MAPT: variants seen among roughly 807,000 people sequenced by gnomAD.
The protein encoded by MAPT is microtubule associated protein tau, also known as microtubule-associated protein tau.
In MAPT, 34 loss-of-function variants were observed where a neutral mutation model predicts 67.9. That is an observed-to-expected ratio of 0.50 (90% CI 0.38 to 0.67). The LOEUF is 0.67. Ranked by LOEUF, MAPT falls within the 30% of genes least tolerant of loss-of-function variation. MAPT has a pLI of 0.00. For missense variants in MAPT, 881 were observed against 1,115.2 expected, an observed-to-expected ratio of 0.79 and a Z score of 2.99; for synonymous variants, 456 against 464.5, an observed-to-expected ratio of 0.98 and a Z score of 0.23.
intron 1 of MAPT, among the ~76,000 whole-genome samples, chr17:45,946,615 A>AAAAATATATATATATATATAT: frequency 1.0e-5 from 1 of 100,406 alleles, no homozygotes; most frequent in Non-Finnish European, 2.0e-5. Flanking sequence ...AAAAAAAAAA[A>AAAAATATATATATATATATAT]ATATATATAT....
At chr17:45,920,703 C>T (rs975270107) in intron 1 of MAPT, among the ~76,000 whole-genome samples, 9 of 152,190 alleles carry the variant, frequency 5.9e-5, no homozygotes, top group African/African-American at 2.2e-4. Context: ...CTCCCAGTGC[C>T]TGGGAATCCT....
Position 45,995,957 on chromosome 17 carries a change from A to G in MAPT, c.1733-442A>G, listed in dbSNP as rs1385575196. Among the ~76,000 whole-genome samples the G allele has an allele frequency of 6.6e-6, 1 of 152,156 alleles. No homozygotes were observed. Among genetic ancestry groups the G allele is most frequent in the Non-Finnish European group, 1.5e-5 (1 of 68,034 alleles). On this transcript the variant is annotated intron_variant, in intron 8 of 12. Transcript: ENST00000262410. The surrounding 1 kb of genome is among the most constrained non-coding windows in gnomAD (Gnocchi z 4.3). ...TAAAGGCCCTGAAGAATTGTATTAG[A>G]GGTTGGCAAAGCATATCTACCACCT...
At chr17:45,978,278 T>C (rs2072585303) in intron 3 of MAPT, 97 bp from the exon 4 acceptor site, 1 of 964,392 alleles carries the variant, frequency 1.0e-6, no homozygotes, top group Non-Finnish European at 1.7e-6. Flanking sequence ...TTCCTGAATG[T>C]TTAAGGGAAA....
intron 1 of MAPT, among the ~76,000 whole-genome samples, chr17:45,928,161 A>G (rs766361970): frequency 2.0e-5 from 3 of 152,162 alleles, no homozygotes; most frequent in Non-Finnish European, 4.4e-5. Flanking sequence ...TGCTGCAGTG[A>G]CAAACAAGAT....
intron 1 of MAPT, among the ~76,000 whole-genome samples, chr17:45,923,000 GTCT>G (rs898964403): frequency 6.6e-6 from 1 of 152,214 alleles, no homozygotes; most frequent in South Asian, 2.1e-4. Context: ...CTCATCTTGT[GTCT>G]TCTTCTGCCA....
intron 1 of MAPT, among the ~76,000 whole-genome samples, chr17:45,926,917 A>G (rs1320563247): frequency 1.4e-5 from 2 of 146,046 alleles, no homozygotes; most frequent in Non-Finnish European, 1.6e-5. Flanking sequence ...GTATGTGTGT[A>G]TATATATACA....
chr17:45,956,172 C>T (rs531839627), intron 1 of MAPT, among the ~76,000 whole-genome samples: 1 of 152,370 alleles, frequency 6.6e-6, no homozygotes, highest in East Asian at 1.9e-4. Flanking sequence ...TGCCTTTGAC[C>T]TGCTCTGTCT....
intron 1 of MAPT, among the ~76,000 whole-genome samples, chr17:45,904,559 G>A (rs1597855185): frequency 6.7e-6 from 1 of 149,718 alleles, no homozygotes; most frequent in East Asian, 2.0e-4. Context: ...GGGCATGATG[G>A]CATGTGTCTG....
At position 45,983,828 on chromosome 17, in the gene MAPT, TTGGGAGAGGA is replaced by T; in HGVS notation, c.1250_1259del (p.Leu417SerfsTer60). 1.9e-6 allele frequency: 3 copies of T among 1,612,588 alleles called. No individual in the cohort carries two copies. The highest frequency in any genetic ancestry group is 2.5e-6 in the Non-Finnish European group (3 of 1,179,802). ...GGGGCCAGAGGCCCGGGGCCCCTCT[TTGGGAGAGGA>T]CACAAAAGAGGCTGACCTTCCAGAG... On this transcript the variant is annotated frameshift_variant, in exon 5 of 13. Transcript: ENST00000262410. LOFTEE classifies it high-confidence loss of function.
At chr17:46,009,929 C>A (rs2075707642) in intron 9 of MAPT, among the ~76,000 whole-genome samples, 1 of 152,200 alleles carries the variant, frequency 6.6e-6, no homozygotes, top group African/African-American at 2.4e-5. Context: ...TCCTATTACT[C>A]ACTCGTCAGT....
intron 11 of MAPT, among the ~76,000 whole-genome samples, chr17:46,015,791 T>C (rs1490961295): frequency 2.6e-5 from 4 of 152,234 alleles, no homozygotes; most frequent in African/African-American, 7.2e-5. Context: ...GTGATTATTA[T>C]ACATTGTGTG....
At position 45,994,294 on chromosome 17, in the gene MAPT, C is replaced by T. The variant is rs1275915867; in HGVS notation, c.1733-2105C>T. ...TTAAGGAGGTCAGGTGACTTGCCCA[C>T]GACCACTCTGTAAATAAGAGGCATG... On this transcript the variant is annotated intron_variant, in intron 8 of 12. Transcript: ENST00000262410. 3.3e-5 allele frequency among the ~76,000 whole-genome samples: 5 copies of T among 152,114 alleles called. No individual in the cohort carries two copies. The East Asian group carries it at 5.8e-4, about 18-fold the overall frequency.
chr17:45,998,518 G>A (rs1306200825), intron 9 of MAPT, among the ~76,000 whole-genome samples: 1 of 152,176 alleles, frequency 6.6e-6, no homozygotes, highest in Admixed American at 6.5e-5. Flanking sequence ...GAACACAGGA[G>A]GGAGGGAAGG....
intron 1 of MAPT, among the ~76,000 whole-genome samples, chr17:45,917,145 A>G (rs973236465): frequency 8.9e-6 from 1 of 112,724 alleles, no homozygotes; most frequent in African/African-American, 2.6e-5. Flanking sequence ...CTGTAGTGAG[A>G]AGAACTCTTT....
Position 46,026,561 on chromosome 17 carries a change from C to CT in MAPT, c.*2390_*2391insT, listed in dbSNP as rs35134656. On this transcript the variant is annotated 3_prime_UTR_variant, in exon 13 of 13. Coordinates refer to ENST00000262410, the MANE Select transcript of MAPT (RefSeq NM_001377265.1). ...TCCCAGAAGCTCCGTGAGCCTCAGC[C>CT]ACCCCTCAGACTGGGTTCCTCTCCA... is the stretch of plus-strand genomic sequence containing the variant. The CT allele has an allele frequency of 0.14, 21,730 of 152,264 alleles. 2,119 individuals are homozygous for CT. Among genetic ancestry groups the CT allele is most frequent in the Non-Finnish European group, 0.22 (14,731 of 68,018 alleles). The allele number at this position is 152,264 out of a possible 1,614,324, so 9.4% of individuals were successfully genotyped here. A position where few individuals can be genotyped will look rare whatever the true frequency, so the allele number is the denominator to read the frequency against.
chr17:45,928,437 G>A (rs1238897735), intron 1 of MAPT, among the ~76,000 whole-genome samples: 1 of 152,082 alleles, frequency 6.6e-6, no homozygotes, highest in Non-Finnish European at 1.5e-5. Context: ...CTATGACTTT[G>A]TGGTACTTGT....
Position 45,971,827 on chromosome 17 carries a change from A to G in MAPT, c.134-32A>G, listed in dbSNP as rs778333868. ...CAAAAGGGGGCGCTGGGGAGAGGCC[A>G]CCGTTCTGAGGGCTCACTGTATGTG... On this transcript the variant is annotated intron_variant, in intron 2 of 12. Transcript: ENST00000262410. The surrounding 1 kb of genome is among the most constrained non-coding windows in gnomAD (Gnocchi z 4.3). 2.2e-5 allele frequency: 33 copies of G among 1,500,408 alleles called. No homozygotes were observed. 92.9% of individuals were successfully genotyped at this position (1,500,408 alleles called of 1,614,324 possible).
At position 46,024,627 on chromosome 17, in the gene MAPT, GT is replaced by G. The variant is rs1167232310; in HGVS notation, c.*457del. On this transcript the variant is annotated 3_prime_UTR_variant, in exon 13 of 13. Transcript: ENST00000262410. ...GCAGCAACAAAGGATTTGAAACTTG[GT>G]GTGTTCGTGGAGCCACAGGCAGACG... 14 of 248,294 alleles carry G rather than the reference GT, an allele frequency of 5.6e-5. No individual in the cohort carries two copies. Among genetic ancestry groups the G allele is most frequent in the Non-Finnish European group, 1.1e-4 (14 of 126,048 alleles). The allele number at this position is 248,294 out of a possible 1,614,324, so 15.4% of individuals were successfully genotyped here. A position where few individuals can be genotyped will look rare whatever the true frequency, so the allele number is the denominator to read the frequency against.
rs753640366 is a variant in MAPT at position 45,983,621 on chromosome 17, T to C, written c.1042T>C (p.Ser348Pro). The C allele has an allele frequency of 4.8e-5, 77 of 1,613,294 alleles. No individual in the cohort carries two copies. Among genetic ancestry groups the C allele is most frequent in the Non-Finnish European group, 6.0e-5 (71 of 1,179,956 alleles). The change falls in exon 5 of 13, where the codon TCC (serine) becomes CCC (proline). Residue 348 changes from serine to proline, a missense_variant. By Grantham distance (74) the Ser-to-Pro change is moderately conservative. This residue lies in a region of MAPT where 687 missense variants were observed against 766.1 expected (regional missense o/e 0.90). Coordinates refer to ENST00000262410, the MANE Select transcript of MAPT (RefSeq NM_001377265.1). ...GAIPLPVDFL[S>P]KVSTEIPASE... Reference sequence around the variant, plus strand: ...CATCCCCCTCCCTGTGGATTTCCTCTCCAAAGTTTCCACAGAGATCCCAGC... The same window carrying C: ...CATCCCCCTCCCTGTGGATTTCCTCCCCAAAGTTTCCACAGAGATCCCAGC...
Sources: gnomAD v4.1 joint callset for allele counts (sites outside exome capture counted in the v4.1 genomes callset) on GRCh38, gnomAD v4.1.1 for gene constraint, gnomAD v4.1.1 regional missense constraint, Gnocchi (gnomAD v3.1) non-coding constraint, MANE v1.5 for transcripts, NCBI Gene and HGNC (gene_info 2026-07-23, HGNC 2026-07-21) for gene names.